The following SPATA33 variants were observed in gnomAD, a reference collection of about 807,000 sequenced individuals.
SPATA33 encodes spermatogenesis-associated protein 33.
A neutral mutation model predicts 8.9 loss-of-function variants in SPATA33; 10 were observed. That is an observed-to-expected ratio of 1.12 (90% CI 0.69 to 1.90). The LOEUF (loss-of-function observed/expected upper bound fraction) is 1.90. SPATA33 is among the 40% of genes most tolerant of loss of function. The pLI is 0.00. For missense variants in SPATA33, 241 were observed against 178.3 expected (o/e 1.35, Z -2.00); for synonymous variants, 96 against 72.8 (o/e 1.32, Z -1.63).
intron 2 of SPATA33, among the ~76,000 whole-genome samples, chr16:89,665,091 G>T (rs1486891526): frequency 2.6e-5 from 4 of 151,508 alleles, no homozygotes; most frequent in African/African-American, 9.7e-5. Context: ...GACGTTCTGG[G>T]CTCAAACGAT....
intron 2 of SPATA33, chr16:89,660,865 G>A: frequency 2.7e-6 from 3 of 1,123,250 alleles, no homozygotes; most frequent in Non-Finnish European, 3.3e-6. Context: ...AGCCAGACCT[G>A]TGAGCAAACA....
chr16:89,661,954 C>T (rs561893520), intron 2 of SPATA33, among the ~76,000 whole-genome samples: 2 of 152,274 alleles, frequency 1.3e-5, no homozygotes, highest in East Asian at 3.9e-4. Context: ...CTAATAAATA[C>T]ACTGCAACAT....
intron 2 of SPATA33, among the ~76,000 whole-genome samples, chr16:89,663,576 A>T (rs1351921269): frequency 6.6e-6 from 1 of 152,078 alleles, no homozygotes; most frequent in Non-Finnish European, 1.5e-5. Context: ...TCTCTGAATG[A>T]CAAAATTATA....
chr16:89,661,088 C>T lies in SPATA33; in HGVS notation c.211+2667C>T, dbSNP rs79095988. 7 of 985,658 alleles carry T rather than the reference C, an allele frequency of 7.1e-6. 1 individual carries two copies. The South Asian group carries it at 2.8e-4, about 40-fold the overall frequency. 61.1% of individuals were successfully genotyped at this position (985,658 alleles called of 1,614,324 possible). On this transcript the variant is annotated intron_variant, in intron 2 of 2. Transcript: ENST00000579310. ...CCATAAAATCCAGAGAAAAGAAAAT[C>T]GTTTTAAACTGCTGAGGTTTGGGGT...
rs181850909 is a variant in SPATA33 at position 89,665,327 on chromosome 16, G to C, written c.212-3959G>C. Among the ~76,000 whole-genome samples, 54 of 145,710 alleles carry C rather than the reference G, an allele frequency of 3.7e-4. No individual in the cohort carries two copies. In the East Asian group the frequency reaches 0.01, roughly 27 times the overall value. ...AATATTTCTTTTTTTTTTTGAGATGGAGTCTTGCTCTGTCGCCACCCAGGC... is the reference window on the plus strand; with the variant it reads ...AATATTTCTTTTTTTTTTTGAGATGCAGTCTTGCTCTGTCGCCACCCAGGC... On this transcript the variant is annotated intron_variant, in intron 2 of 2. Transcript: ENST00000579310.
chr16:89,660,363 C>A, intron 2 of SPATA33: 1 of 757,054 alleles, frequency 1.3e-6, no homozygotes, highest in Non-Finnish European at 1.8e-6. Flanking sequence ...TGGGAGTGGG[C>A]AGGACCTCTG....
Position 89,669,424 on chromosome 16 carries a change from AGGACTG to A in SPATA33, c.353_358del (p.Asp118_Trp119del). 6.2e-7 allele frequency: 1 copy of A among 1,614,108 alleles called. No homozygotes were observed. The highest frequency in any genetic ancestry group is 8.5e-7 in the Non-Finnish European group (1 of 1,180,032). ...CAGCAGAGAACCATTCGGGAGCCGG[AGGACTG>A]GGGCCCCTACCGGCGGCACAGGAAC... On this transcript the variant is annotated inframe_deletion, in exon 3 of 3. Coordinates refer to ENST00000579310, the MANE Select transcript of SPATA33 (RefSeq NM_001271907.2).
In SPATA33 at chr16:89,669,470, C is replaced by T. The variant is rs762960142; in HGVS notation, c.396C>T (p.Asp132=). ...YRRHRNPSTA[D]AYNSHLKE The stretch of plus-strand genomic sequence containing the variant: ...GGCACAGGAACCCCAGTACAGCAGA[C>T]GCCTATAATTCACATCTCAAAGAAT... The change falls in exon 3 of 3, where the codon GAC becomes GAT. Residue 132 remains aspartate (D), a synonymous_variant. Coordinates refer to ENST00000579310, the MANE Select transcript of SPATA33 (RefSeq NM_001271907.2). The T allele has an allele frequency of 1.9e-5, 31 of 1,613,224 alleles. No homozygotes were observed. The highest frequency in any genetic ancestry group is 3.8e-4 in the Middle Eastern group (2 of 5,312).
Position 89,669,353 on chromosome 16 carries a change from A to G in SPATA33, c.279A>G (p.Arg93=). ...TCGTTCCACAGATCATCATCACGCGAGCGTCGAATGAGACGCTAGTCAGTT... is the reference window on the plus strand; with the variant it reads ...TCGTTCCACAGATCATCATCACGCGGGCGTCGAATGAGACGCTAGTCAGTT... ...KVVVPQIIIT[R]ASNETLVSCS... The change falls in exon 3 of 3, where the codon CGA becomes CGG. Residue 93 remains arginine, a synonymous_variant. Transcript: ENST00000579310. The G allele has an allele frequency of 1.2e-6, 2 of 1,614,186 alleles. No homozygotes were observed. The highest frequency in any genetic ancestry group is 2.7e-5 in the African/African-American group (2 of 75,036).
intron 2 of SPATA33, among the ~76,000 whole-genome samples, chr16:89,664,537 C>G (rs964035522): frequency 6.6e-6 from 1 of 151,932 alleles, no homozygotes; most frequent in Non-Finnish European, 1.5e-5. Flanking sequence ...GGAAGCCAGA[C>G]AGTAAAAGTG....
upstream of SPATA33, chr16:89,657,790 C>T: frequency 1.4e-6 from 2 of 1,457,588 alleles, no homozygotes; most frequent in Non-Finnish European, 1.8e-6. Context: ...GGCTGCGCGG[C>T]GCGCGGTCGC....
intron 2 of SPATA33, chr16:89,661,264 A>G (rs1232868984): frequency 1.0e-6 from 1 of 962,136 alleles, no homozygotes; most frequent in Admixed American, 6.2e-5. Flanking sequence ...CACATGTGGG[A>G]GGAACTGGGT....
At chr16:89,662,898 A>G (rs997694804) in intron 2 of SPATA33, among the ~76,000 whole-genome samples, 7 of 152,158 alleles carry the variant, frequency 4.6e-5, no homozygotes, top group African/African-American at 1.4e-4. Context: ...GGTTCAAGCA[A>G]TTCTTCTGCC....
intron 2 of SPATA33, among the ~76,000 whole-genome samples, chr16:89,665,512 C>T (rs1190449038): frequency 1.4e-5 from 2 of 146,016 alleles, no homozygotes; most frequent in African/African-American, 5.1e-5. Context: ...GATGGGGTTT[C>T]ACTATGTTAA....
At chr16:89,658,014 T>C (rs764654628) in intron 1 of SPATA33, 66 bp downstream of exon 1, 2 of 1,488,684 alleles carry the variant, frequency 1.3e-6, no homozygotes, top group South Asian at 2.5e-5. Flanking sequence ...AGGGCGGGGC[T>C]GGGCTGGGCG....
chr16:89,668,750 G>A (rs1323054088), intron 2 of SPATA33, among the ~76,000 whole-genome samples: 2 of 152,242 alleles, frequency 1.3e-5, no homozygotes, highest in African/African-American at 4.8e-5. Flanking sequence ...GCCGGTGAAG[G>A]AGCACTTTTG....
chr16:89,661,363 C>A, intron 2 of SPATA33: 1 of 284,478 alleles, frequency 3.5e-6, no homozygotes, highest in Non-Finnish European at 5.3e-6. Context: ...GTTTTAAAAA[C>A]GGGAGTTTCC....
At chr16:89,657,779 C>T (rs2059899118), upstream of SPATA33, 2 of 1,452,672 alleles carry the variant, frequency 1.4e-6, no homozygotes, top group South Asian at 1.5e-5. Context: ...GGGCGGGGCG[C>T]GGCTGCGCGG....
chr16:89,659,100 A>T (rs2059928629), intron 2 of SPATA33: 1 of 152,396 alleles, frequency 6.6e-6, no homozygotes, highest in East Asian at 1.9e-4. Flanking sequence ...GGAGTTCAAG[A>T]CCAGCTTGGG....
Sources: gnomAD v4.1 joint callset for allele counts (sites outside exome capture counted in the v4.1 genomes callset) on GRCh38, gnomAD v4.1.1 for gene constraint, MANE v1.5 for transcripts, NCBI Gene and HGNC (gene_info 2026-07-23, HGNC 2026-07-21) for gene names.